KRT18: variants seen among roughly 807,000 people sequenced by gnomAD.
The protein encoded by KRT18 is keratin, type I cytoskeletal 18.
Under a neutral mutation model 39.9 loss-of-function variants are expected in KRT18, and 8 were observed. That is an observed-to-expected ratio of 0.20 (90% CI 0.12 to 0.36). KRT18 has a LOEUF of 0.36. Among genes scored for constraint, KRT18 ranks in the 10% least tolerant of loss-of-function variants. KRT18 has a pLI of 1.00. For missense variants in KRT18, 396 were observed against 565.7 expected, an observed-to-expected ratio of 0.70 and a Z score of 3.04; for synonymous variants, 194 against 227.8, an observed-to-expected ratio of 0.85 and a Z score of 1.33.
chr12:52,952,371 C>A, intron 6 of KRT18, 29 bp downstream of exon 6: 1 of 1,429,598 alleles, frequency 7.0e-7, no homozygotes, highest in Non-Finnish European at 9.7e-7. Flanking sequence ...CCCACACGTG[C>A]TGGGATCAGG....
At chr12:52,949,954 C>T (rs1592193694) in intron 1 of KRT18, 2 of 617,758 alleles carry the variant, frequency 3.2e-6, no homozygotes, top group East Asian at 2.7e-5. Context: ...TAGGAGTAAA[C>T]AAGAGGCCTT....
Position 52,949,120 on chromosome 12 carries a change from C to T in KRT18, c.-54C>T, listed in dbSNP as rs368939913. On this transcript the variant is annotated 5_prime_UTR_variant, in exon 1 of 7. Transcript: ENST00000388835. ...CTCGGGTCGCGCGGCTCGCGCAGGC[C>T]GCCACCGTCGTCCGCAAAGCCTGAG... 47 of 1,359,196 alleles carry T rather than the reference C, an allele frequency of 3.5e-5. No individual in the cohort carries two copies. The highest frequency in any genetic ancestry group is 4.4e-5 in the Non-Finnish European group (45 of 1,021,576). The allele number at this position is 1,359,196 out of a possible 1,614,324, so 84.2% of individuals were successfully genotyped here.
intron 6 of KRT18, 156 bp from the exon 7 acceptor site, chr12:52,952,566 A>G (rs1942510133): frequency 1.1e-6 from 1 of 887,350 alleles, no homozygotes; most frequent in African/African-American, 1.6e-5. Flanking sequence ...TAGTATGCAA[A>G]TGAAGTTTGG....
rs766324065 is a variant in KRT18 at position 52,951,630 on chromosome 12, G to C, written c.807G>C (p.Lys269Asn). Reference sequence around the variant, plus strand: ...GGAAGAACCGAGAGGAGCTAGACAAGTACTGGTCTCAGCAGGTGCGTGAGG... The same window carrying C: ...GGAAGAACCGAGAGGAGCTAGACAACTACTGGTCTCAGCAGGTGCGTGAGG... ...LARKNREELDKYWSQQIEEST... is the reference protein window; with the variant it reads ...LARKNREELDNYWSQQIEEST... Residue 269 changes from lysine (K) to asparagine (N), a missense_variant, in exon 4 of 7, where the codon AAG becomes AAC. By Grantham distance (94) the Lys-to-Asn change is moderately conservative. Transcript: ENST00000388835. The C allele has an allele frequency of 1.2e-6, 2 of 1,613,952 alleles. No individual in the cohort carries two copies. Among genetic ancestry groups the C allele is most frequent in the Non-Finnish European group, 1.7e-6 (2 of 1,180,026 alleles).
chr12:52,952,212 G>C lies in KRT18; in HGVS notation c.1042G>C (p.Glu348Gln), dbSNP rs1254987867. Residue 348 changes from glutamate (E) to glutamine (Q), a missense_variant, in exon 6 of 7, where the codon GAG becomes CAG. Coordinates refer to ENST00000388835, the MANE Select transcript of KRT18 (RefSeq NM_000224.3). ...LNGILLHLES[E>Q]LAQTRAEGQR... ...CGGGATCCTGCTGCACCTTGAGTCA[G>C]AGCTGGCACAGACCCGGGCAGAGGG... 3.1e-6 allele frequency: 5 copies of C among 1,597,220 alleles called. No individual in the cohort carries two copies. In the South Asian group the frequency reaches 5.7e-5, roughly 18 times the overall value.
Position 52,952,254 on chromosome 12 carries a change from G to A in KRT18, c.1084G>A (p.Glu362Lys). The A allele has an allele frequency of 1.2e-6, 2 of 1,606,822 alleles. No homozygotes were observed. Among genetic ancestry groups the A allele is most frequent in the Non-Finnish European group, 1.7e-6 (2 of 1,177,626 alleles). The change falls in exon 6 of 7, where the codon GAG (glutamate) becomes AAG (lysine). Residue 362 changes from glutamate to lysine, a missense_variant. By Grantham distance (56) the Glu-to-Lys change is moderately conservative. Transcript: ENST00000388835. ...TRAEGQRQAQ[E>K]YEALLNIKVK... ...GGCAGAGGGACAGCGCCAGGCCCAG[G>A]AGTATGAGGCCCTGCTGAACATCAA... is the stretch of plus-strand genomic sequence containing the variant.
chr12:52,952,423 A>G, intron 6 of KRT18, 81 bp downstream of exon 6: 1 of 1,001,694 alleles, frequency 1.0e-6, no homozygotes, highest in African/African-American at 1.6e-5. Context: ...GAAGCACCCC[A>G]TGTGTCTGTT....
Position 52,950,835 on chromosome 12 carries a change from C to G in KRT18, c.586C>G (p.Arg196Gly), listed in dbSNP as rs1942472150. 6.2e-7 allele frequency: 1 copy of G among 1,608,900 alleles called. No homozygotes were observed. The highest frequency in any genetic ancestry group is 1.3e-5 in the African/African-American group (1 of 74,800). ...RKVIDDTNIT[R>G]LQLETEIEAL... is the part of the protein sequence containing the mutation. ...GGTCATTGATGACACCAATATCACA[C>G]GACTGCAGCTGGAGACAGAGATCGA... Residue 196 changes from arginine to glycine, a missense_variant, in exon 3 of 7, where the codon CGA becomes GGA. Transcript: ENST00000388835.
Position 52,950,361 on chromosome 12 carries a change from G to GTTC in KRT18, c.453_455dup (p.Leu152dup). The stretch of plus-strand genomic sequence containing the variant: ...AAATACTGTGGACAATGCCCGCATC[G>GTTC]TTCTGCAGATTGACAATGCCCGTCT... On this transcript the variant is annotated inframe_insertion, in exon 2 of 7. Transcript: ENST00000388835. 1 of 1,613,676 alleles carries GTTC rather than the reference G, an allele frequency of 6.2e-7. No individual in the cohort carries two copies. The highest frequency in any genetic ancestry group is 8.5e-7 in the Non-Finnish European group (1 of 1,179,684).
chr12:52,950,566 G>A (rs967700101), intron 2 of KRT18, 156 bp downstream of exon 2: 1 of 818,800 alleles, frequency 1.2e-6, no homozygotes, highest in Non-Finnish European at 2.1e-6. Flanking sequence ...CTGTTCATTT[G>A]TATAACCCCG....
upstream of KRT18, chr12:52,949,073 G>A: frequency 8.9e-7 from 1 of 1,128,964 alleles, no homozygotes; most frequent in Non-Finnish European, 1.3e-6. Context: ...GGGCGGGGGC[G>A]GGGCCTCACT....
At chr12:52,952,487 C>A in intron 6 of KRT18, 145 bp downstream of exon 6, 1 of 762,018 alleles carries the variant, frequency 1.3e-6, no homozygotes, top group Non-Finnish European at 2.3e-6. Context: ...CCTGTGTCTT[C>A]AAGGGAGTAA....
chr12:52,952,754 T>A lies in KRT18; in HGVS notation c.1205T>A (p.Met402Lys). ...GATGCCTTGGACAGCAGCAACTCCA[T>A]GCAAACCATCCAAAAGACCACCACC... ...LGDALDSSNS[M>K]QTIQKTTTRR... The change falls in exon 7 of 7, where the codon ATG (methionine) becomes AAG (lysine). Residue 402 changes from methionine to lysine, a missense_variant. Transcript: ENST00000388835. The A allele has an allele frequency of 6.2e-7, 1 of 1,613,272 alleles. No homozygotes were observed. The highest frequency in any genetic ancestry group is 8.5e-7 in the Non-Finnish European group (1 of 1,179,950).
rs903071904 is a variant in KRT18, at chr12:52,950,662, G to A, written c.501-88G>A. ...TGACTCAAGTTGCTGGTTTGCAATGGGCACAGAACTTCTCTTAGTAGGTGG... is the reference window on the plus strand; with the variant it reads ...TGACTCAAGTTGCTGGTTTGCAATGAGCACAGAACTTCTCTTAGTAGGTGG... On this transcript the variant is annotated intron_variant, in intron 2 of 6. Coordinates refer to ENST00000388835, the MANE Select transcript of KRT18 (RefSeq NM_000224.3). The A allele has an allele frequency of 2.8e-6, 4 of 1,407,356 alleles. No homozygotes were observed. The African/African-American group carries it at 4.3e-5, about 15-fold the overall frequency. The allele number at this position is 1,407,356 out of a possible 1,614,324, so 87.2% of individuals were successfully genotyped here.
chr12:52,951,901 C>T, intron 5 of KRT18, 45 bp downstream of exon 5: 1 of 1,602,978 alleles, frequency 6.2e-7, no homozygotes, highest in South Asian at 1.1e-5. Context: ...TTCACTTGGC[C>T]TCAGACCCAA....
Position 52,951,503 on chromosome 12 carries a change from A to C in KRT18, c.680A>C (p.Gln227Pro), listed in dbSNP as rs1312796330. ...HEEEVKGLQA[Q>P]IASSGLTVEV... ...TAGGAAGTAAAAGGCCTACAAGCCC[A>C]GATTGCCAGCTCTGGGTTGACCGTG... The change falls in exon 4 of 7, where the codon CAG becomes CCG. Residue 227 changes from glutamine (Q) to proline (P), a missense_variant. Gln to Pro is a moderately conservative substitution (Grantham distance 76). Coordinates refer to ENST00000388835, the MANE Select transcript of KRT18 (RefSeq NM_000224.3). The C allele has an allele frequency of 6.2e-7, 1 of 1,613,994 alleles. No homozygotes were observed. Among genetic ancestry groups the C allele is most frequent in the Non-Finnish European group, 8.5e-7 (1 of 1,179,962 alleles).
chr12:52,949,698 G>A (rs762891327), intron 1 of KRT18, 108 bp downstream of exon 1: 1 of 1,032,126 alleles, frequency 9.7e-7, no homozygotes, highest in Non-Finnish European at 1.5e-6. Context: ...ACTCCACCGG[G>A]AGGGGGTTGG....
chr12:52,952,374 G>T, intron 6 of KRT18, 32 bp downstream of exon 6: 1 of 1,405,198 alleles, frequency 7.1e-7, no homozygotes, highest in East Asian at 2.4e-5. Flanking sequence ...ACACGTGCTG[G>T]GATCAGGAGA....
rs760836025 is a variant in KRT18 at position 52,951,842 on chromosome 12, T to C, written c.934T>C (p.Ser312Pro). The change falls in exon 5 of 7, where the codon TCC (serine) becomes CCC (proline). Residue 312 changes from serine to proline, a missense_variant. Coordinates refer to ENST00000388835, the MANE Select transcript of KRT18 (RefSeq NM_000224.3). ...CCAGTCCTTGGAGATCGACCTGGAC[T>C]CCATGAGAAATCTGGTGAGTGCCTT... ...TVQSLEIDLD[S>P]MRNLKASLEN... 2 of 1,606,502 alleles carry C rather than the reference T, an allele frequency of 1.2e-6. No homozygotes were observed. Among genetic ancestry groups the C allele is most frequent in the South Asian group, 2.2e-5 (2 of 91,076 alleles).
Sources: allele counts gnomAD v4.1 joint callset, GRCh38; gene constraint gnomAD v4.1.1; transcripts MANE v1.5; gene names NCBI Gene and HGNC (gene_info 2026-07-23, HGNC 2026-07-21).